The following PIGN variants were observed in gnomAD, a reference collection of about 807,000 sequenced individuals.
The protein encoded by PIGN is phosphatidylinositol glycan anchor biosynthesis class N.
PIGN carries 117 observed loss-of-function variants against 125.4 expected under a neutral mutation model. The observed-to-expected ratio is 0.93, with a 90% CI of 0.80 to 1.09. PIGN has a LOEUF of 1.09. Ranked by LOEUF, PIGN falls within the 50% of genes least tolerant of loss-of-function variation. The pLI is 0.00. For missense variants in PIGN, 1,075 were observed against 1,094.9 expected, an observed-to-expected ratio of 0.98 and a Z score of 0.26; for synonymous variants, 392 against 377.8, an observed-to-expected ratio of 1.04 and a Z score of -0.44.
At chr18:62,137,323 T>C in intron 14 of PIGN, 1 of 406,430 alleles carries the variant, frequency 2.5e-6, no homozygotes. Context: ...TCCCTACTTT[T>C]GAGGTTTTGG....
In PIGN at chr18:62,043,737, G is replaced by A. The variant is rs1047268106; in HGVS notation, c.*2119C>T. 6.6e-6 allele frequency: 1 copy of A among 152,072 alleles called. No homozygotes were observed. Among genetic ancestry groups the A allele is most frequent in the African/African-American group, 2.4e-5 (1 of 41,396 alleles). The allele number at this position is 152,072 out of a possible 1,614,324, so 9.4% of individuals were successfully genotyped here. A position where few individuals can be genotyped will look rare whatever the true frequency, so the allele number is the denominator to read the frequency against. ...GATTCCCTCTAAGGTTTATTCATGG[G>A]CCCTCTAAGATGATAGCATGGCCTT... On this transcript the variant is annotated 3_prime_UTR_variant, in exon 31 of 31. Transcript: ENST00000640252.
At chr18:62,167,188 G>GCTCTCTCT (rs148196927) in intron 1 of PIGN, among the ~76,000 whole-genome samples, 2 of 147,706 alleles carry the variant, frequency 1.4e-5, no homozygotes, top group East Asian at 2.0e-4. Context: ...GAGCAGGAGC[G>GCTCTCTCT]CTCTCTCTCT....
At chr18:62,050,471 G>C (rs1017342457) in intron 30 of PIGN, among the ~76,000 whole-genome samples, 1 of 152,190 alleles carries the variant, frequency 6.6e-6, no homozygotes, top group African/African-American at 2.4e-5. Flanking sequence ...AACTGTGAAT[G>C]GGAGTTCACT....
At chr18:62,047,523 G>A (rs550820) in intron 30 of PIGN, among the ~76,000 whole-genome samples, 146,870 of 152,298 alleles carry the variant, frequency 0.96, 70,855 homozygotes, top group East Asian at 1. Flanking sequence ...GGGGACCTCT[G>A]TCTTTCCCAG....
chr18:62,101,105 T>C lies in PIGN; in HGVS notation c.2047A>G (p.Met683Val), dbSNP rs2146318027. The C allele has an allele frequency of 1.9e-6, 3 of 1,608,984 alleles. No homozygotes were observed. The East Asian group carries it at 6.7e-5, about 36-fold the overall frequency. ...GTTGCCCAGCTAATAATTTGATTCA[T>C]GAGAGGCAGTCCTTGCTTCCTGAGT... ...SLLRKQGLPL[M>V]NQIISWATLA... Residue 683 changes from methionine (M) to valine (V), a missense_variant, in exon 22 of 31, where the codon ATG (methionine) becomes GTG (valine). Physicochemically the swap from Met to Val is conservative, Grantham distance 21. This residue lies in a region of PIGN where 915 missense variants were observed against 908.7 expected (regional missense o/e 1.01). Coordinates refer to ENST00000640252, the MANE Select transcript of PIGN (RefSeq NM_176787.5).
intron 14 of PIGN, among the ~76,000 whole-genome samples, chr18:62,118,821 A>G (rs1186431336): frequency 1.3e-5 from 2 of 151,718 alleles, no homozygotes; most frequent in Non-Finnish European, 1.5e-5. Flanking sequence ...ATATTATATT[A>G]TACTATATTA....
intron 23 of PIGN, among the ~76,000 whole-genome samples, chr18:62,027,107 G>A (rs1308845590): frequency 6.6e-6 from 1 of 152,156 alleles, no homozygotes; most frequent in Non-Finnish European, 1.5e-5. Context: ...GGAGGCAGAG[G>A]CAGGAGAATC....
chr18:62,186,447 T>C (rs972307361), intron 1 of PIGN: 1 of 152,268 alleles, frequency 6.6e-6, no homozygotes, highest in Non-Finnish European at 1.5e-5. Flanking sequence ...GTTGTGTAAA[T>C]CGTGTATTAA....
At chr18:62,047,519 C>T (rs1423655750) in intron 30 of PIGN, among the ~76,000 whole-genome samples, 1 of 152,126 alleles carries the variant, frequency 6.6e-6, no homozygotes, top group Non-Finnish European at 1.5e-5. Flanking sequence ...CAAAGGGGAC[C>T]TCTGTCTTTC....
intron 1 of PIGN, among the ~76,000 whole-genome samples, chr18:62,179,935 T>C (rs1282953080): frequency 3.3e-5 from 5 of 152,214 alleles, no homozygotes; most frequent in Non-Finnish European, 7.3e-5. Context: ...AAAAGCCTTA[T>C]AAATGATCTC....
intron 14 of PIGN, 29 bp from the exon 15 acceptor site, chr18:62,114,668 A>G (rs2035020066): frequency 8.9e-7 from 1 of 1,121,490 alleles, no homozygotes; most frequent in African/African-American, 1.6e-5. Flanking sequence ...ATAGGTTTAA[A>G]GGGTTTCCTC....
intron 15 of PIGN, 31 bp downstream of exon 15, chr18:62,114,530 C>T (rs1479385535): frequency 7.8e-7 from 1 of 1,278,854 alleles, no homozygotes; most frequent in Admixed American, 2.0e-5. Context: ...TGATAATCAG[C>T]TATTTATGTC....
intron 14 of PIGN, among the ~76,000 whole-genome samples, chr18:62,121,521 C>A (rs557015584): frequency 3.4e-4 from 51 of 152,148 alleles, no homozygotes; most frequent in Middle Eastern, 3.4e-3. Flanking sequence ...TTCTTAAGGG[C>A]ACAACCTTTT....
chr18:62,121,447 G>C (rs1316351573), intron 14 of PIGN, among the ~76,000 whole-genome samples: 1 of 151,948 alleles, frequency 6.6e-6, no homozygotes, highest in Non-Finnish European at 1.5e-5. Context: ...AATAAATATT[G>C]AATATTTTAT....
intron 14 of PIGN, among the ~76,000 whole-genome samples, chr18:62,127,276 A>G (rs1415810004): frequency 6.6e-6 from 1 of 152,198 alleles, no homozygotes; most frequent in Non-Finnish European, 1.5e-5. Flanking sequence ...ACCAAACATC[A>G]TAGCTTAACC....
intron 14 of PIGN, among the ~76,000 whole-genome samples, chr18:62,126,095 T>C (rs2035524859): frequency 6.6e-6 from 1 of 152,128 alleles, no homozygotes; most frequent in Admixed American, 6.6e-5. Flanking sequence ...AGTCATTGTA[T>C]CTATTTTTGG....
At chr18:62,060,590 CTTTT>C in intron 30 of PIGN, among the ~76,000 whole-genome samples, 1 of 152,024 alleles carries the variant, frequency 6.6e-6, no homozygotes, top group East Asian at 1.9e-4. Flanking sequence ...TGAGTTCTCT[CTTTT>C]TTTTGAGTTC....
At chr18:62,026,462 C>A (rs879486346) in intron 23 of PIGN, among the ~76,000 whole-genome samples, 4 of 152,084 alleles carry the variant, frequency 2.6e-5, no homozygotes, top group Non-Finnish European at 4.4e-5. Flanking sequence ...ATTTGATTAC[C>A]ACCAATTCCA....
At chr18:62,065,764 A>G (rs1028795274) in intron 30 of PIGN, among the ~76,000 whole-genome samples, 1 of 152,124 alleles carries the variant, frequency 6.6e-6, no homozygotes, top group South Asian at 2.1e-4. Context: ...AAAAAAAGAC[A>G]GGCTTATGTT....
Sources: allele counts gnomAD v4.1 joint callset (sites outside exome capture counted in the v4.1 genomes callset), GRCh38; gene constraint gnomAD v4.1.1; regional missense constraint gnomAD v4.1.1; transcripts MANE v1.5; gene names NCBI Gene and HGNC (gene_info 2026-07-23, HGNC 2026-07-21).